GRIN2C: variants seen among roughly 807,000 people sequenced by gnomAD.
The protein encoded by GRIN2C is glutamate ionotropic receptor NMDA type subunit 2C, also known as glutamate receptor ionotropic, NMDA 2C.
A neutral mutation model predicts 77.7 loss-of-function variants in GRIN2C; 64 were observed. That is an observed-to-expected ratio of 0.82 (90% CI 0.67 to 1.01). The LOEUF (loss-of-function observed/expected upper bound fraction) is 1.01. GRIN2C is among the 50% of genes least tolerant of loss of function. The pLI is 0.00. For missense variants in GRIN2C, 1,549 were observed against 1,486.0 expected, an observed-to-expected ratio of 1.04 and a Z score of -0.70; for synonymous variants, 792 against 643.4, an observed-to-expected ratio of 1.23 and a Z score of -3.49.
rs556008984 is a variant in GRIN2C, at chr17:74,842,808, C to T, written c.3329G>A (p.Gly1110Asp). ...CGCCAAGCGCCTGCAGGCCGAGTGG[C>T]CGTCGGGGCGGGCGCAGGCGGGGCC... ...CTGPACARPD[G>D]HSACRRLAQA... Residue 1110 changes from glycine (G) to aspartate (D), a missense_variant, in exon 13 of 13, where the codon GGC becomes GAC. Transcript: ENST00000293190. 1.6e-6 allele frequency: 1 copy of T among 614,112 alleles called. No homozygotes were observed. The highest frequency in any genetic ancestry group is 2.9e-6 in the Non-Finnish European group (1 of 348,874). 38.0% of individuals were successfully genotyped at this position (614,112 alleles called of 1,614,324 possible).
At chr17:74,860,477 G>A (rs1567904117), upstream of GRIN2C, 1 of 456,584 alleles carries the variant, frequency 2.2e-6, no homozygotes, top group East Asian at 7.0e-5. Context: ...GTCGCGGGAC[G>A]CACCTGGGGG....
chr17:74,845,318 G>A (rs1046825213), intron 11 of GRIN2C, among the ~76,000 whole-genome samples: 6 of 146,752 alleles, frequency 4.1e-5, no homozygotes, highest in African/African-American at 1.3e-4. Context: ...AGGCTGGAGT[G>A]CAGTGGCACA....
intron 2 of GRIN2C, chr17:74,854,329 C>T (rs550086185): frequency 4.8e-6 from 1 of 207,746 alleles, no homozygotes; most frequent in South Asian, 1.3e-4. Context: ...TACAGGTCAA[C>T]TACCACTGCC....
In GRIN2C at chr17:74,852,069, G is replaced by A. The variant is rs61758998; in HGVS notation, c.942C>T (p.Ala314=). 4 of 1,456,046 alleles carry A rather than the reference G, an allele frequency of 2.7e-6. No individual in the cohort carries two copies. Among genetic ancestry groups the A allele is most frequent in the Non-Finnish European group, 3.6e-6 (4 of 1,103,238 alleles). The allele number at this position is 1,456,046 out of a possible 1,614,324, so 90.2% of individuals were successfully genotyped here. Residue 314 remains alanine (A), a synonymous_variant, in exon 3 of 13, where the codon GCC becomes GCT. Transcript: ENST00000293190. ...GCCCAGGGTGAACACGGCAGTCCCC[G>A]GCCGGGGCTGGCAGGGTTCCATGCT... is the stretch of plus-strand genomic sequence containing the variant. ...WRQHGTLPAP[A]GDCRVHPGPV... is the part of the protein sequence containing the mutation.
rs1328663852 is a variant in GRIN2C at position 74,847,809 on chromosome 17, G to A, written c.1771+43C>T. ...GTTGCCCCTGAGCCCAGCCCTCAGGGTGCCCAGGCCCACCCCTCCTGCCGG... is the reference window on the plus strand; with the variant it reads ...GTTGCCCCTGAGCCCAGCCCTCAGGATGCCCAGGCCCACCCCTCCTGCCGG... On this transcript the variant is annotated intron_variant, in intron 8 of 12. Coordinates refer to ENST00000293190, the MANE Select transcript of GRIN2C (RefSeq NM_000835.6). The surrounding 1 kb of genome is among the most constrained non-coding windows in gnomAD (Gnocchi z 5.2). 2 of 1,610,606 alleles carry A rather than the reference G, an allele frequency of 1.2e-6. No homozygotes were observed. Among genetic ancestry groups the A allele is most frequent in the East Asian group, 2.2e-5 (1 of 44,850 alleles).
At chr17:74,856,557 C>A (rs1251387466) in intron 1 of GRIN2C, among the ~76,000 whole-genome samples, 3 of 150,754 alleles carry the variant, frequency 2.0e-5, no homozygotes, top group Non-Finnish European at 4.4e-5. Flanking sequence ...CGGCTCACTG[C>A]AAGCTCCACC....
At chr17:74,855,220 G>T in intron 1 of GRIN2C, 113 bp from the exon 2 acceptor site, 1 of 807,030 alleles carries the variant, frequency 1.2e-6, no homozygotes, top group African/African-American at 1.7e-5. Context: ...GAGAAGAGGG[G>T]AAAACCTCCC....
At chr17:74,845,912 C>T (rs2037439403) in intron 11 of GRIN2C, among the ~76,000 whole-genome samples, 154 bp downstream of exon 11, 1 of 152,080 alleles carries the variant, frequency 6.6e-6, no homozygotes, top group African/African-American at 2.4e-5. Flanking sequence ...TCTCCAGTTG[C>T]TCCTAGTACC....
Position 74,852,378 on chromosome 17 carries a change from G to A in GRIN2C, c.633C>T (p.Arg211=), listed in dbSNP as rs1598488391. The A allele has an allele frequency of 2.1e-6, 3 of 1,431,274 alleles. No homozygotes were observed. Among genetic ancestry groups the A allele is most frequent in the Non-Finnish European group, 2.7e-6 (3 of 1,099,612 alleles). 88.7% of individuals were successfully genotyped at this position (1,431,274 alleles called of 1,614,324 possible). A position where few individuals can be genotyped will look rare whatever the true frequency, so the allele number is the denominator to read the frequency against. The change falls in exon 3 of 13, where the codon CGC becomes CGT. Residue 211 remains arginine (R), a synonymous_variant. Coordinates refer to ENST00000293190, the MANE Select transcript of GRIN2C (RefSeq NM_000835.6). ...CGAGCTGGCGCAGCAGGCGCTGCGT[G>A]CGCGCGCGCGGCCCTCCCGGGCCCA... ...LELGPGGPRA[R]TQRLLRQLDA...
intron 12 of GRIN2C, 98 bp from the exon 13 acceptor site, chr17:74,843,651 A>G (rs939950989): frequency 3.0e-5 from 43 of 1,450,552 alleles, no homozygotes; most frequent in South Asian, 1.0e-4. Flanking sequence ...TCAGTCTTCT[A>G]TAAGTCTCAG....
intron 1 of GRIN2C, among the ~76,000 whole-genome samples, chr17:74,856,388 C>G (rs929808651): frequency 6.6e-6 from 1 of 152,210 alleles, no homozygotes; most frequent in Admixed American, 6.5e-5. Flanking sequence ...AAGACAGATG[C>G]CCTTCAGGGA....
chr17:74,846,174 T>C lies in GRIN2C; in HGVS notation c.2242A>G (p.Ile748Val). The C allele has an allele frequency of 6.2e-7, 1 of 1,614,184 alleles. No homozygotes were observed. The highest frequency in any genetic ancestry group is 2.2e-5 in the East Asian group (1 of 44,884). Residue 748 changes from isoleucine to valine, a missense_variant, in exon 11 of 13, where the codon ATT (isoleucine) becomes GTT (valine). By Grantham distance (29) the Ile-to-Val change is conservative. Around this residue, in one of 3 missense-constraint regions of GRIN2C, gnomAD observed 717 missense variants for 858.1 expected, o/e 0.84. Transcript: ENST00000293190. The surrounding 1 kb of genome is among the most constrained non-coding windows in gnomAD (Gnocchi z 4.4). ...GKDEGCKLVT[I>V]GSGKVFATTG... Reference sequence around the variant, plus strand: ...GTAGCAAAGACCTTGCCAGACCCAATGGTGACCAGCTTGCAGCCCTCGTCC... The same window carrying C: ...GTAGCAAAGACCTTGCCAGACCCAACGGTGACCAGCTTGCAGCCCTCGTCC...
intron 12 of GRIN2C, chr17:74,844,060 G>T: frequency 1.1e-6 from 1 of 907,048 alleles, no homozygotes; most frequent in Non-Finnish European, 1.6e-6. Context: ...TTTCTGTAGA[G>T]ATGGGTTTTC....
intron 1 of GRIN2C, among the ~76,000 whole-genome samples, chr17:74,857,790 G>A (rs1238252675): frequency 2.6e-5 from 4 of 152,180 alleles, no homozygotes; most frequent in Non-Finnish European, 2.9e-5. Context: ...TCACCCAAAC[G>A]GAGTTTGCTA....
In GRIN2C at chr17:74,859,655, G is replaced by A. The variant is rs2037905195; in HGVS notation, c.-16+89C>T. On this transcript the variant is annotated intron_variant, in intron 1 of 12. Coordinates refer to ENST00000293190, the MANE Select transcript of GRIN2C (RefSeq NM_000835.6). The surrounding 1 kb of genome is among the most constrained non-coding windows in gnomAD (Gnocchi z 5.9). ...GGGCACGGAGTTCTTGCTCCTCCAA[G>A]GCTACGGCCCCCGTCTCCGCGGACC... 2 of 152,234 alleles carry A rather than the reference G, an allele frequency of 1.3e-5. No homozygotes were observed. Among genetic ancestry groups the A allele is most frequent in the African/African-American group, 2.4e-5 (1 of 41,404 alleles). 9.4% of individuals were successfully genotyped at this position (152,234 alleles called of 1,614,324 possible).
In GRIN2C at chr17:74,847,294, T is replaced by A; in HGVS notation, c.2001+14A>T. ...AGTGCCCCCCCCCACCCCCAGCAGC[T>A]ATGGCCCCACAACCTTCTTGTCACT... On this transcript the variant is annotated intron_variant, in intron 9 of 12. Coordinates refer to ENST00000293190, the MANE Select transcript of GRIN2C (RefSeq NM_000835.6). The surrounding 1 kb of genome is among the most constrained non-coding windows in gnomAD (Gnocchi z 5.2). 3.5e-5 allele frequency: 17 copies of A among 486,984 alleles called. No individual in the cohort carries two copies. The highest frequency in any genetic ancestry group is 6.0e-5 in the Non-Finnish European group (16 of 267,692). 30.2% of individuals were successfully genotyped at this position (486,984 alleles called of 1,614,324 possible).
intron 12 of GRIN2C, chr17:74,843,998 T>A (rs1032057049): frequency 1.0e-5 from 6 of 579,570 alleles, no homozygotes; most frequent in Non-Finnish European, 1.5e-5. Flanking sequence ...TTCAGCCTCC[T>A]GAGTAGCTGG....
chr17:74,843,682 A>C, intron 12 of GRIN2C, 129 bp from the exon 13 acceptor site: 1 of 1,251,044 alleles, frequency 8.0e-7, no homozygotes, highest in Non-Finnish European at 1.1e-6. Context: ...ACTGTGAAGC[A>C]TCTCCCATGC....
Position 74,849,912 on chromosome 17 carries a change from T to C in GRIN2C, c.1513A>G (p.Met505Val). The C allele has an allele frequency of 6.2e-7, 1 of 1,613,482 alleles. No individual in the cohort carries two copies. The highest frequency in any genetic ancestry group is 8.5e-7 in the Non-Finnish European group (1 of 1,179,792). The change falls in exon 7 of 13, where the codon ATG becomes GTG. Residue 505 changes from methionine (M) to valine (V), a missense_variant. By Grantham distance (21) the Met-to-Val change is conservative. Coordinates refer to ENST00000293190, the MANE Select transcript of GRIN2C (RefSeq NM_000835.6). The surrounding 1 kb of genome is among the most constrained non-coding windows in gnomAD (Gnocchi z 4.6). ...IGEVYYKRAD[M>V]AIGSLTINEE... ...TTGATGGTGAGGGAGCCGATGGCCA[T>C]GTCTGCCCGCTTGTAGTACACCTGG... is the stretch of plus-strand genomic sequence containing the variant.
Sources: allele counts gnomAD v4.1 joint callset (sites outside exome capture counted in the v4.1 genomes callset), GRCh38; gene constraint gnomAD v4.1.1; regional missense constraint gnomAD v4.1.1; non-coding constraint Gnocchi (gnomAD v3.1); transcripts MANE v1.5; gene names NCBI Gene and HGNC (gene_info 2026-07-23, HGNC 2026-07-21).